DPP6: variants seen among roughly 807,000 people sequenced by gnomAD.
DPP6 encodes the protein A-type potassium channel modulatory protein DPP6.
A neutral mutation model predicts 122.6 loss-of-function variants in DPP6; 69 were observed. That is an observed-to-expected ratio of 0.56 (90% CI 0.46 to 0.69). The LOEUF (loss-of-function observed/expected upper bound fraction) is 0.69. Among genes scored for constraint, DPP6 ranks in the 30% least tolerant of loss-of-function variants. The pLI is 0.00. For synonymous variants in DPP6, 418 were observed against 433.1 expected (o/e 0.97, Z 0.43); for missense variants, 928 against 1,116.9 (o/e 0.83, Z 2.41).
At chr7:154,575,479 G>GTA (rs1831572169) in intron 5 of DPP6, among the ~76,000 whole-genome samples, 50 of 113,042 alleles carry the variant, frequency 4.4e-4, no homozygotes, top group African/African-American at 7.8e-4. Context: ...TGTGTGTGGT[G>GTA]TGTGTGTGGT....
At position 154,794,222 on chromosome 7, in the gene DPP6, T is replaced by C. The variant is rs1797868403; in HGVS notation, c.1260+20T>C. 6.3e-7 allele frequency: 1 copy of C among 1,589,076 alleles called. No individual in the cohort carries two copies. ...ACGAAGGTACGCGGGGCTGTGGGGG[T>C]GGAGGGGAGACGGGTGAAGAACCGA... On this transcript the variant is annotated intron_variant, in intron 11 of 25. Coordinates refer to ENST00000377770, the MANE Select transcript of DPP6 (RefSeq NM_130797.4).
chr7:154,471,984 G>T (rs1316280915), intron 2 of DPP6, among the ~76,000 whole-genome samples: 1 of 151,994 alleles, frequency 6.6e-6, no homozygotes, highest in African/African-American at 2.4e-5. Flanking sequence ...TTGAACTGAA[G>T]AAATCATCCA....
At chr7:154,808,646 C>A (rs1029170772) in intron 16 of DPP6, among the ~76,000 whole-genome samples, 10 of 152,178 alleles carry the variant, frequency 6.6e-5, no homozygotes, top group Admixed American at 4.6e-4. Context: ...TCTCCCAGTT[C>A]CTAGCCCAGT....
chr7:154,854,712 A>G lies in DPP6; in HGVS notation c.1714+885A>G, dbSNP rs371593153. On this transcript the variant is annotated intron_variant, in intron 17 of 25. Transcript: ENST00000377770. ...ACTTCCCAGGGTCACTAGAGGTGGC[A>G]TGTGTTTGCTTGGAGGGACCCCACA... Among the ~76,000 whole-genome samples the G allele has an allele frequency of 6.4e-4, 98 of 152,228 alleles. 1 individual carries two copies. The South Asian group carries it at 0.011, about 17-fold the overall frequency.
chr7:154,447,634 C>T (rs2131058), intron 2 of DPP6, among the ~76,000 whole-genome samples: 39,562 of 151,874 alleles, frequency 0.26, 6,387 homozygotes, highest in African/African-American at 0.46. Context: ...AAGGAAACAA[C>T]ATGCCAATAC....
At chr7:154,864,683 G>C (rs906373185) in intron 17 of DPP6, among the ~76,000 whole-genome samples, 1 of 152,214 alleles carries the variant, frequency 6.6e-6, no homozygotes, top group Admixed American at 6.5e-5. Flanking sequence ...CCAGTTGTGT[G>C]GGCAATCATT....
intron 1 of DPP6, among the ~76,000 whole-genome samples, chr7:154,179,616 C>T (rs1201897553): frequency 6.6e-6 from 1 of 152,198 alleles, no homozygotes; most frequent in African/African-American, 2.4e-5. Context: ...GCTTCCTTTT[C>T]CCCTACATCA....
chr7:153,983,655 G>A (rs890413573), intron 1 of DPP6, among the ~76,000 whole-genome samples: 1 of 151,592 alleles, frequency 6.6e-6, no homozygotes, highest in Non-Finnish European at 1.5e-5. Context: ...TTTTGTGCTT[G>A]AAAGCCAGGG....
chr7:153,808,925 T>C, the DPP6 span, among the ~76,000 whole-genome samples: 2 of 152,068 alleles, frequency 1.3e-5, no homozygotes, highest in South Asian at 4.1e-4. Context: ...AATTGCTAGA[T>C]CATATGGCAG....
At chr7:154,746,607 C>G (rs1843047517) in intron 8 of DPP6, among the ~76,000 whole-genome samples, 1 of 152,206 alleles carries the variant, frequency 6.6e-6, no homozygotes, top group South Asian at 2.1e-4. Context: ...TGCATCTTTG[C>G]TTTGGACCAC....
At chr7:154,870,995 T>C (rs1047094366) in intron 18 of DPP6, among the ~76,000 whole-genome samples, 3 of 148,254 alleles carry the variant, frequency 2.0e-5, no homozygotes, top group African/African-American at 7.5e-5. Context: ...ATGTGTGTGT[T>C]ATCCCAGCCC....
chr7:154,577,809 A>G (rs1207488138), intron 5 of DPP6, among the ~76,000 whole-genome samples: 1 of 152,210 alleles, frequency 6.6e-6, no homozygotes, highest in Non-Finnish European at 1.5e-5. Context: ...ATCGTAGCTC[A>G]TTAGTGGCAA....
intron 1 of DPP6, among the ~76,000 whole-genome samples, chr7:154,413,464 G>A (rs1415648377): frequency 1.3e-5 from 2 of 151,962 alleles, no homozygotes; most frequent in Non-Finnish European, 2.9e-5. Context: ...GGTAATTTTT[G>A]TTCCATTTCA....
intron 1 of DPP6, among the ~76,000 whole-genome samples, chr7:154,230,159 A>G (rs1292665387): frequency 1.3e-5 from 2 of 151,782 alleles, no homozygotes; most frequent in Non-Finnish European, 2.9e-5. Context: ...CCTCCCTCCT[A>G]TCCTCTCCCC....
chr7:153,799,720 A>G, the DPP6 span, among the ~76,000 whole-genome samples: 14 of 152,228 alleles, frequency 9.2e-5, no homozygotes, highest in African/African-American at 3.1e-4. Flanking sequence ...TTCTGTGATC[A>G]TTAATTATAA....
chr7:154,399,509 G>A (rs185945136), intron 1 of DPP6, among the ~76,000 whole-genome samples: 2 of 152,316 alleles, frequency 1.3e-5, no homozygotes, highest in African/African-American at 4.8e-5. Context: ...GTCATATATG[G>A]ATTAGAAATT....
At chr7:154,670,040 A>C (rs1838459431) in intron 7 of DPP6, among the ~76,000 whole-genome samples, 1 of 152,116 alleles carries the variant, frequency 6.6e-6, no homozygotes, top group African/African-American at 2.4e-5. Context: ...TTGTATATTT[A>C]GTAGAGACAG....
At chr7:154,750,395 C>T (rs1456799304) in intron 8 of DPP6, among the ~76,000 whole-genome samples, 1 of 152,240 alleles carries the variant, frequency 6.6e-6, no homozygotes, top group Non-Finnish European at 1.5e-5. Flanking sequence ...GCCGCTTCTC[C>T]GTAGCAACCA....
At chr7:153,801,595 T>C in the DPP6 span, among the ~76,000 whole-genome samples, 1 of 152,176 alleles carries the variant, frequency 6.6e-6, no homozygotes, top group Non-Finnish European at 1.5e-5. Flanking sequence ...TGGGACACTG[T>C]TGAGAGCCAC....
Sources: gnomAD v4.1 joint callset for allele counts (sites outside exome capture counted in the v4.1 genomes callset) on GRCh38, gnomAD v4.1.1 for gene constraint, MANE v1.5 for transcripts, NCBI Gene and HGNC (gene_info 2026-07-23, HGNC 2026-07-21) for gene names.